FMN1: variants seen among roughly 807,000 people sequenced by gnomAD.
FMN1 encodes formin 1.
In FMN1, 110 loss-of-function variants were observed where a neutral mutation model predicts 132.4. The ratio of observed to expected loss-of-function variants is 0.83; its 90% CI spans 0.71 to 0.97. FMN1 has a LOEUF of 0.97. Ranked by LOEUF, FMN1 falls within the 50% of genes least tolerant of loss-of-function variation. FMN1 has a pLI of 0.00. For synonymous variants in FMN1, 722 were observed against 651.7 expected (o/e 1.11, Z -1.64); for missense variants, 1,792 against 1,705.3 (o/e 1.05, Z -0.90).
chr15:33,060,715 A>AG (rs1430495619), intron 6 of FMN1, among the ~76,000 whole-genome samples: 1 of 152,216 alleles, frequency 6.6e-6, no homozygotes, highest in Non-Finnish European at 1.5e-5. Flanking sequence ...GAGATGCTTC[A>AG]GGTAGAGAGA....
intron 7 of FMN1, among the ~76,000 whole-genome samples, chr15:32,998,345 T>A (rs988335560): frequency 6.6e-6 from 1 of 152,228 alleles, no homozygotes; most frequent in South Asian, 2.1e-4. Context: ...CTAGCACTGA[T>A]CTAGGTAACA....
intron 6 of FMN1, chr15:33,013,146 GTGAAC>G: frequency 2.5e-6 from 1 of 392,358 alleles, no homozygotes; most frequent in Admixed American, 3.1e-5. Flanking sequence ...CAACAGGTTT[GTGAAC>G]TCAGCAAAGC....
intron 17 of FMN1, among the ~76,000 whole-genome samples, chr15:32,815,163 C>T (rs1025659603): frequency 1.3e-5 from 2 of 151,818 alleles, no homozygotes; most frequent in Admixed American, 6.6e-5. Context: ...AGGATGGTCT[C>T]GATCTCCTGA....
intron 7 of FMN1, among the ~76,000 whole-genome samples, chr15:32,984,498 A>G (rs981948304): frequency 6.6e-6 from 1 of 152,122 alleles, no homozygotes; most frequent in African/African-American, 2.4e-5. Context: ...TTGCTTCTTG[A>G]TATATTTTTC....
chr15:32,918,803 T>A (rs976032950), intron 10 of FMN1, among the ~76,000 whole-genome samples: 39 of 152,140 alleles, frequency 2.6e-4, no homozygotes, highest in African/African-American at 8.9e-4. Context: ...TCTCAGCCAG[T>A]TGCCTGAAGG....
intron 9 of FMN1, 59 bp downstream of exon 9, chr15:32,964,048 C>CACATAT: frequency 8.9e-7 from 1 of 1,124,840 alleles, no homozygotes; most frequent in Middle Eastern, 2.6e-4. Context: ...CACACACACA[C>CACATAT]ATATATACCA....
intron 3 of FMN1, among the ~76,000 whole-genome samples, chr15:33,168,133 T>G (rs1323982140): frequency 6.6e-6 from 1 of 152,176 alleles, no homozygotes; most frequent in Non-Finnish European, 1.5e-5. Context: ...AAGTAACTTG[T>G]CCGAAGTCAC....
chr15:32,837,673 T>C (rs1187976019), intron 17 of FMN1, among the ~76,000 whole-genome samples: 2 of 152,232 alleles, frequency 1.3e-5, no homozygotes, highest in Admixed American at 1.3e-4. Flanking sequence ...TGATCAGCTA[T>C]ATCTAATGCT....
chr15:33,128,761 A>G (rs1015440179), intron 4 of FMN1, among the ~76,000 whole-genome samples: 3 of 152,250 alleles, frequency 2.0e-5, no homozygotes, highest in African/African-American at 4.8e-5. Flanking sequence ...TAAAGCCCTT[A>G]AAAGTGGTAT....
chr15:33,133,651 T>G (rs930582866), intron 4 of FMN1, among the ~76,000 whole-genome samples: 6 of 152,202 alleles, frequency 3.9e-5, no homozygotes, highest in African/African-American at 1.4e-4. Flanking sequence ...TATGAATGCT[T>G]TCTTCAAAGG....
At chr15:32,858,722 T>C (rs2059192884) in intron 16 of FMN1, among the ~76,000 whole-genome samples, 1 of 152,366 alleles carries the variant, frequency 6.6e-6, no homozygotes, top group Admixed American at 6.5e-5. Context: ...TTGAAACAAC[T>C]AGAACAAATT....
At chr15:32,853,253 A>C (rs770847470) in intron 17 of FMN1, among the ~76,000 whole-genome samples, 4 of 152,160 alleles carry the variant, frequency 2.6e-5, no homozygotes, top group African/African-American at 7.2e-5. Context: ...GTCTTACCTA[A>C]AAGTGTTGGG....
intron 6 of FMN1, chr15:33,012,491 A>C: frequency 7.7e-6 from 10 of 1,297,694 alleles, no homozygotes; most frequent in Non-Finnish European, 1.1e-5. Context: ...GATTATTTTC[A>C]ACAGTATGGA....
intron 15 of FMN1, among the ~76,000 whole-genome samples, chr15:32,895,552 A>T (rs1317644946): frequency 6.6e-6 from 1 of 152,114 alleles, no homozygotes; most frequent in Non-Finnish European, 1.5e-5. Context: ...CAGGCTAAAT[A>T]TGAGTCCCAT....
At chr15:33,151,372 A>G (rs888469787) in intron 4 of FMN1, 161 of 1,536,566 alleles carry the variant, frequency 1.0e-4, no homozygotes, top group Admixed American at 2.7e-4. Flanking sequence ...GAAGATCCCA[A>G]TGGAAGGCTG....
chr15:32,795,664 C>T (rs1047824592), intron 19 of FMN1, among the ~76,000 whole-genome samples: 17 of 151,972 alleles, frequency 1.1e-4, no homozygotes, highest in East Asian at 3.9e-4. Flanking sequence ...TTTTACACTG[C>T]TCAGCACTGC....
intron 17 of FMN1, among the ~76,000 whole-genome samples, chr15:32,835,391 C>T (rs973477455): frequency 2.6e-5 from 4 of 152,140 alleles, no homozygotes; most frequent in Non-Finnish European, 4.4e-5. Flanking sequence ...CTTAGACCAC[C>T]AACCAGGTTT....
chr15:32,931,287 A>T (rs1277882328), intron 9 of FMN1, among the ~76,000 whole-genome samples: 1 of 152,228 alleles, frequency 6.6e-6, no homozygotes, highest in African/African-American at 2.4e-5. Context: ...GGGGGAATAC[A>T]GACATTCAAT....
At chr15:33,165,915 A>G (rs1048251556) in intron 3 of FMN1, among the ~76,000 whole-genome samples, 1 of 152,124 alleles carries the variant, frequency 6.6e-6, no homozygotes, top group South Asian at 2.1e-4. Context: ...CAGAAAACCT[A>G]TTTTTTGGTT....
Sources: gnomAD v4.1 joint callset for allele counts (sites outside exome capture counted in the v4.1 genomes callset) on GRCh38, gnomAD v4.1.1 for gene constraint, MANE v1.5 for transcripts, NCBI Gene and HGNC (gene_info 2026-07-23, HGNC 2026-07-21) for gene names.